The following DST variants were observed in gnomAD, a reference collection of about 807,000 sequenced individuals.
The protein encoded by DST is dystonin, also known as bullous pemphigoid antigen.
A neutral mutation model predicts 875.2 loss-of-function variants in DST; 253 were observed. The observed-to-expected ratio is 0.29, with a 90% CI of 0.26 to 0.32. The LOEUF is 0.32. Among genes scored for constraint, DST ranks in the 10% least tolerant of loss-of-function variants. The pLI, the probability that DST is intolerant of heterozygous loss-of-function variation, is 1.00. For missense variants in DST, 8,287 were observed against 9,111.6 expected (o/e 0.91, Z 3.68); for synonymous variants, 3,124 against 3,197.1 (o/e 0.98, Z 0.77).
In DST at chr6:56,714,111, T is replaced by G. The variant is rs1390806052; in HGVS notation, c.688-9742A>C. ...AACACCTCTTCCCTGTCAAAGAATG[T>G]TTCCTTAAATCCAGATGACACTCCA... On this transcript the variant is annotated intron_variant, in intron 5 of 103. Coordinates refer to ENST00000680361, the MANE Select transcript of DST (RefSeq NM_001374736.1). The surrounding 1 kb of genome is among the most constrained non-coding windows in gnomAD (Gnocchi z 4.5). Among the ~76,000 whole-genome samples, 1 of 152,182 alleles carries G rather than the reference T, an allele frequency of 6.6e-6. No homozygotes were observed. Among genetic ancestry groups the G allele is most frequent in the Non-Finnish European group, 1.5e-5 (1 of 68,038 alleles).
intron 68 of DST, among the ~76,000 whole-genome samples, chr6:56,527,020 C>T (rs1254030088): frequency 6.6e-6 from 1 of 152,114 alleles, no homozygotes; most frequent in Non-Finnish European, 1.5e-5. Context: ...GTGAGCCTGA[C>T]CTCACCAACT....
At chr6:56,910,466 A>ATTTATTTTATTTTAT (rs141557334) in intron 2 of DST, among the ~76,000 whole-genome samples, 32 of 151,356 alleles carry the variant, frequency 2.1e-4, no homozygotes, top group African/African-American at 7.3e-4. Context: ...TGAATTGTAC[A>ATTTATTTTATTTTAT]TTTATTTTAT....
At chr6:56,612,194 A>G (rs1329484872) in intron 37 of DST, among the ~76,000 whole-genome samples, 1 of 152,102 alleles carries the variant, frequency 6.6e-6, no homozygotes, top group Non-Finnish European at 1.5e-5. Context: ...AACATGGTGA[A>G]ATATTGTCTC....
chr6:56,692,328 G>T, intron 9 of DST: 2 of 882,798 alleles, frequency 2.3e-6, no homozygotes, highest in Non-Finnish European at 3.0e-6. Flanking sequence ...TTAGATGTCA[G>T]TCTGATGTGA....
At chr6:56,759,765 C>T (rs780673788) in intron 4 of DST, among the ~76,000 whole-genome samples, 3 of 152,102 alleles carry the variant, frequency 2.0e-5, no homozygotes, top group Non-Finnish European at 2.9e-5. Flanking sequence ...TCCAGAGGCG[C>T]GTGTGAATCT....
chr6:56,463,266 T>G, intron 101 of DST, 110 bp from the exon 102 acceptor site: 1 of 669,954 alleles, frequency 1.5e-6, no homozygotes, highest in Non-Finnish European at 2.5e-6. Context: ...AGAATAATAA[T>G]TTAAAATAAG....
At chr6:56,890,320 T>A (rs1362070990) in intron 3 of DST, among the ~76,000 whole-genome samples, 1 of 152,202 alleles carries the variant, frequency 6.6e-6, no homozygotes, top group African/African-American at 2.4e-5. Flanking sequence ...AGAGTTCTTA[T>A]GATGATGATG....
Position 56,555,348 on chromosome 6 carries a change from C to A in DST, c.15133G>T (p.Ala5045Ser). The change falls in exon 60 of 104, where the codon GCA becomes TCA. Residue 5045 changes from alanine to serine, a missense_variant. Physicochemically the swap from Ala to Ser is moderately conservative, Grantham distance 99. Around this residue, in one of 10 missense-constraint regions of DST, gnomAD observed 1,513 missense variants for 1,677.8 expected, o/e 0.90. Coordinates refer to ENST00000680361, the MANE Select transcript of DST (RefSeq NM_001374736.1). ...TATGTATTAAAAGTAGACAAACCTG[C>A]TTTCTGTTCAACATCCTTAAATGAT... is the stretch of plus-strand genomic sequence containing the variant. ...LKSFKDVEQK[A>S]ENHVQHLQSA... 2 of 1,569,884 alleles carry A rather than the reference C, an allele frequency of 1.3e-6. No individual in the cohort carries two copies. The highest frequency in any genetic ancestry group is 8.6e-7 in the Non-Finnish European group (1 of 1,158,658).
chr6:56,461,780 G>A (rs1463016901), intron 102 of DST: 2 of 152,126 alleles, frequency 1.3e-5, no homozygotes, highest in Non-Finnish European at 2.9e-5. Flanking sequence ...ACCTTTCTCT[G>A]TTTTTGCTAT....
chr6:56,723,638 A>G (rs2099430478), intron 5 of DST, among the ~76,000 whole-genome samples: 1 of 152,234 alleles, frequency 6.6e-6, no homozygotes, highest in Non-Finnish European at 1.5e-5. Context: ...GGCCCCATCC[A>G]GATCTGTAAC....
At chr6:56,507,662 A>G (rs933761240) in intron 75 of DST, among the ~76,000 whole-genome samples, 2 of 152,248 alleles carry the variant, frequency 1.3e-5, no homozygotes, top group Non-Finnish European at 2.9e-5. Flanking sequence ...TAGAAAGAGC[A>G]AAACAGTTTG....
At chr6:56,735,886 T>C (rs895856147) in intron 4 of DST, among the ~76,000 whole-genome samples, 2 of 152,126 alleles carry the variant, frequency 1.3e-5, no homozygotes, top group Admixed American at 6.5e-5. Flanking sequence ...GGAATCTCAC[T>C]CTGTCACCCA....
At position 56,607,177 on chromosome 6, in the gene DST, TCTC is replaced by T. The variant is rs761645439; in HGVS notation, c.7448_7450del (p.Gly2483del). ...TCCCAGAAACTGGTCTTGAAATTTTTCTCCTATTCTTTGACCTGACAACATGGT... is the reference window on the plus strand; with the variant it reads ...TCCCAGAAACTGGTCTTGAAATTTTTCTATTCTTTGACCTGACAACATGGT... On this transcript the variant is annotated inframe_deletion, in exon 40 of 104. Coordinates refer to ENST00000680361, the MANE Select transcript of DST (RefSeq NM_001374736.1). 60 of 1,613,350 alleles carry T rather than the reference TCTC, an allele frequency of 3.7e-5. No individual in the cohort carries two copies. Among genetic ancestry groups the T allele is most frequent in the Non-Finnish European group, 4.8e-5 (57 of 1,179,622 alleles).
intron 49 of DST, among the ~76,000 whole-genome samples, chr6:56,582,481 G>A (rs1391728394): frequency 6.6e-6 from 1 of 151,164 alleles, no homozygotes; most frequent in Non-Finnish European, 1.5e-5. Flanking sequence ...ATGAGTAAAA[G>A]TTCCCTGAGG....
intron 4 of DST, among the ~76,000 whole-genome samples, chr6:56,771,408 T>C (rs529252437): frequency 1.3e-5 from 2 of 152,190 alleles, no homozygotes; most frequent in Non-Finnish European, 2.9e-5. Flanking sequence ...TGTGATATAA[T>C]AGGTAAAGAA....
In DST at chr6:56,606,607, G is replaced by A; in HGVS notation, c.8021C>T (p.Ala2674Val). The change falls in exon 40 of 104, where the codon GCA becomes GTA. Residue 2674 changes from alanine (A) to valine (V), a missense_variant. Physicochemically the swap from Ala to Val is moderately conservative, Grantham distance 64. Coordinates refer to ENST00000680361, the MANE Select transcript of DST (RefSeq NM_001374736.1). ...ENENSMVPQG[A>V]PVGSLSVKNK... ...CTTCACACTTAAGCTACCAACTGGTGCCCCCTGGGGAACCATGGAATTTTC... is the reference window on the plus strand; with the variant it reads ...CTTCACACTTAAGCTACCAACTGGTACCCCCTGGGGAACCATGGAATTTTC... The A allele has an allele frequency of 3.1e-6, 5 of 1,613,370 alleles. No individual in the cohort carries two copies. The South Asian group carries it at 4.4e-5, about 14-fold the overall frequency.
intron 10 of DST, among the ~76,000 whole-genome samples, chr6:56,670,006 A>G (rs1277936061): frequency 1.3e-5 from 2 of 152,198 alleles, no homozygotes; most frequent in Non-Finnish European, 2.9e-5. Context: ...CTTGTGGGCT[A>G]CAAGTCCAAA....
intron 43 of DST, among the ~76,000 whole-genome samples, chr6:56,602,266 T>G (rs9382654): frequency 0.36 from 55,108 of 151,530 alleles, 10,303 homozygotes; most frequent in Admixed American, 0.42. Flanking sequence ...ATATAAAATG[T>G]TGGTCCCATA....
At chr6:56,555,121 G>A (rs945657727) in intron 60 of DST, among the ~76,000 whole-genome samples, 4 of 152,124 alleles carry the variant, frequency 2.6e-5, no homozygotes, top group African/African-American at 9.7e-5. Context: ...CCTTCAGGAA[G>A]CCAATTTTGC....
Sources: gnomAD v4.1 joint callset for allele counts (sites outside exome capture counted in the v4.1 genomes callset) on GRCh38, gnomAD v4.1.1 for gene constraint, gnomAD v4.1.1 regional missense constraint, Gnocchi (gnomAD v3.1) non-coding constraint, MANE v1.5 for transcripts, NCBI Gene and HGNC (gene_info 2026-07-23, HGNC 2026-07-21) for gene names.